PDCD6IP: variants seen among roughly 807,000 people sequenced by gnomAD.
PDCD6IP encodes programmed cell death 6 interacting protein.
A neutral mutation model predicts 103.7 loss-of-function variants in PDCD6IP; 43 were observed. That is an observed-to-expected ratio of 0.41 (90% CI 0.32 to 0.53). The LOEUF is 0.53. PDCD6IP is among the 20% of genes least tolerant of loss of function. The pLI is 0.16. For missense variants in PDCD6IP, 871 were observed against 1,036.7 expected (o/e 0.84, Z 2.20); for synonymous variants, 354 against 378.7 (o/e 0.93, Z 0.76).
rs777255965 is a variant in PDCD6IP at position 33,864,090 on chromosome 3, T to C, written c.2205T>C (p.His735=). 2 of 1,612,922 alleles carry C rather than the reference T, an allele frequency of 1.2e-6. No individual in the cohort carries two copies. Among genetic ancestry groups the C allele is most frequent in the South Asian group, 1.1e-5 (1 of 91,062 alleles). ...PAYQSSPAGG[H]APTPPTPAPR... Reference sequence around the variant, plus strand: ...ATCAGTCCTCACCAGCAGGAGGACATGCACCAACTCCTCCAACTCCAGCGC... The same window carrying C: ...ATCAGTCCTCACCAGCAGGAGGACACGCACCAACTCCTCCAACTCCAGCGC... The change falls in exon 16 of 18, where the codon CAT becomes CAC. Residue 735 remains histidine, a synonymous_variant. Coordinates refer to ENST00000307296, the MANE Select transcript of PDCD6IP (RefSeq NM_013374.6).
chr3:33,804,928 T>C (rs746130458), intron 1 of PDCD6IP, among the ~76,000 whole-genome samples: 6 of 152,228 alleles, frequency 3.9e-5, no homozygotes, highest in Admixed American at 2.0e-4. Flanking sequence ...TTTCATCCTC[T>C]AGTTGGTGGT....
chr3:33,866,565 A>G lies in PDCD6IP; in HGVS notation c.*40A>G. 1 of 1,495,340 alleles carries G rather than the reference A, an allele frequency of 6.7e-7. No individual in the cohort carries two copies. Among genetic ancestry groups the G allele is most frequent in the Non-Finnish European group, 9.0e-7 (1 of 1,106,658 alleles). 92.6% of individuals were successfully genotyped at this position (1,495,340 alleles called of 1,614,324 possible). A position where few individuals can be genotyped will look rare whatever the true frequency, so the allele number is the denominator to read the frequency against. ...AGCTCAGCTGATTCAGATCAGAGGG[A>G]AAGAAATACCAACCCTGCAATAAGT... On this transcript the variant is annotated 3_prime_UTR_variant, in exon 18 of 18. Coordinates refer to ENST00000307296, the MANE Select transcript of PDCD6IP (RefSeq NM_013374.6).
At chr3:33,851,001 A>G (rs1434371016) in intron 12 of PDCD6IP, among the ~76,000 whole-genome samples, 1 of 151,880 alleles carries the variant, frequency 6.6e-6, no homozygotes, top group African/African-American at 2.4e-5. Context: ...ATGGATGTAA[A>G]CAAGGCCAAA....
intron 9 of PDCD6IP, among the ~76,000 whole-genome samples, chr3:33,839,612 G>A (rs1697426390): frequency 6.6e-6 from 1 of 152,078 alleles, no homozygotes; most frequent in Non-Finnish European, 1.5e-5. Flanking sequence ...AGTTCTCTTG[G>A]GTAAATACTT....
At chr3:33,830,772 G>A (rs545219129) in intron 7 of PDCD6IP, among the ~76,000 whole-genome samples, 2 of 152,024 alleles carry the variant, frequency 1.3e-5, no homozygotes, top group Non-Finnish European at 2.9e-5. Context: ...TATTCTTTCC[G>A]GTAGGCATGA....
chr3:33,853,960 A>G lies in PDCD6IP; in HGVS notation c.1972A>G (p.Thr658Ala), dbSNP rs746687187. Residue 658 changes from threonine to alanine, a missense_variant, in exon 14 of 18, where the codon ACT becomes GCT. Thr to Ala is a moderately conservative substitution (Grantham distance 58). Coordinates refer to ENST00000307296, the MANE Select transcript of PDCD6IP (RefSeq NM_013374.6). The stretch of plus-strand genomic sequence containing the variant: ...AGAAGAAGTTTTGAAGAATTTAGCT[A>G]CTGCATATGACAACTTTGTTGAACT... Reference protein sequence around the residue: ...LREEVLKNLATAYDNFVELVA... With the variant: ...LREEVLKNLAAAYDNFVELVA... The G allele has an allele frequency of 1.3e-6, 2 of 1,589,328 alleles. No homozygotes were observed. Among genetic ancestry groups the G allele is most frequent in the South Asian group, 2.4e-5 (2 of 84,882 alleles).
intron 3 of PDCD6IP, among the ~76,000 whole-genome samples, chr3:33,814,717 A>G (rs187526466): frequency 0.017 from 2,413 of 145,560 alleles, 30 homozygotes; most frequent in Non-Finnish European, 0.027. Flanking sequence ...GTATATATGT[A>G]AGTATATAAT....
intron 9 of PDCD6IP, among the ~76,000 whole-genome samples, chr3:33,841,044 C>T (rs1324563339): frequency 1.3e-5 from 2 of 150,102 alleles, no homozygotes; most frequent in African/African-American, 2.5e-5. Context: ...TTTTTTTCCC[C>T]CGAGACGGAG....
At chr3:33,825,484 C>G (rs1697099963) in intron 5 of PDCD6IP, 144 bp downstream of exon 5, 2 of 655,450 alleles carry the variant, frequency 3.1e-6, no homozygotes, top group Non-Finnish European at 4.9e-6. Context: ...TTCAGCTATC[C>G]TTTTCTGAAT....
At chr3:33,840,246 A>G (rs1435855597) in intron 9 of PDCD6IP, among the ~76,000 whole-genome samples, 2 of 152,368 alleles carry the variant, frequency 1.3e-5, no homozygotes, top group Non-Finnish European at 2.9e-5. Flanking sequence ...CATAAGGAAG[A>G]GAAAATATAT....
chr3:33,827,766 G>A (rs566606503), intron 6 of PDCD6IP: 1 of 152,298 alleles, frequency 6.6e-6, no homozygotes, highest in East Asian at 1.9e-4. Flanking sequence ...TCCTGTTTCA[G>A]AACCAAGTTG....
chr3:33,831,224 G>C (rs1361489995), intron 7 of PDCD6IP, among the ~76,000 whole-genome samples: 1 of 144,292 alleles, frequency 6.9e-6, no homozygotes, highest in Non-Finnish European at 1.5e-5. Flanking sequence ...TTTTCAAAAA[G>C]ATACAGAAAC....
intron 15 of PDCD6IP, among the ~76,000 whole-genome samples, chr3:33,859,847 G>T (rs1455826375): frequency 6.6e-6 from 1 of 152,126 alleles, no homozygotes; most frequent in Non-Finnish European, 1.5e-5. Context: ...GGATATATTA[G>T]AATATGCTAG....
chr3:33,843,837 A>C (rs920551583), intron 10 of PDCD6IP, among the ~76,000 whole-genome samples: 2 of 150,184 alleles, frequency 1.3e-5, no homozygotes, highest in Admixed American at 1.3e-4. Flanking sequence ...ACTTTCTTTA[A>C]ATTGATATAT....
rs564348983 is a variant in PDCD6IP, at chr3:33,852,585, T to C, written c.1739T>C (p.Met580Thr). Residue 580 changes from methionine to threonine, a missense_variant, in exon 13 of 18, where the codon ATG becomes ACG. Coordinates refer to ENST00000307296, the MANE Select transcript of PDCD6IP (RefSeq NM_013374.6). ...GACTTGAAATCTGTGAATTTTGACA[T>C]GACAAGCAAGTTTTTGACAGCCCTG... ...ENDLKSVNFDMTSKFLTALAQ... is the reference protein window; with the variant it reads ...ENDLKSVNFDTTSKFLTALAQ... 12 of 1,594,952 alleles carry C rather than the reference T, an allele frequency of 7.5e-6. No individual in the cohort carries two copies. Among genetic ancestry groups the C allele is most frequent in the South Asian group, 6.9e-5 (6 of 86,458 alleles).
chr3:33,835,813 G>GA (rs1357328148), intron 7 of PDCD6IP, among the ~76,000 whole-genome samples: 1 of 152,140 alleles, frequency 6.6e-6, no homozygotes, highest in Non-Finnish European at 1.5e-5. Context: ...TTATTATCTT[G>GA]ATAATCTGCC....
At position 33,866,979 on chromosome 3, in the gene PDCD6IP, T is replaced by C. The variant is rs1045093840; in HGVS notation, c.*454T>C. ...CATAATCAAGGCACTGTAAATCTTA[T>C]AATTTTAAAATAAATTACTTAAGAA... On this transcript the variant is annotated 3_prime_UTR_variant, in exon 18 of 18. Coordinates refer to ENST00000307296, the MANE Select transcript of PDCD6IP (RefSeq NM_013374.6). 2 of 152,476 alleles carry C rather than the reference T, an allele frequency of 1.3e-5. No individual in the cohort carries two copies. The highest frequency in any genetic ancestry group is 4.8e-5 in the African/African-American group (2 of 41,494). 9.4% of individuals were successfully genotyped at this position (152,476 alleles called of 1,614,324 possible). A position where few individuals can be genotyped will look rare whatever the true frequency, so the allele number is the denominator to read the frequency against.
Position 33,836,692 on chromosome 3 carries a change from CAA to C in PDCD6IP, c.1057+442_1057+443del, listed in dbSNP as rs199714705. On this transcript the variant is annotated intron_variant, in intron 8 of 17. Transcript: ENST00000307296. ...GCAACTGGCAAAACCCTGTCTCTACCAAAAAAAAAAAAAAAAATTAACTGGGC... is the reference window on the plus strand; with the variant it reads ...GCAACTGGCAAAACCCTGTCTCTACCAAAAAAAAAAAAAAATTAACTGGGC... Among the ~76,000 whole-genome samples the C allele has an allele frequency of 8.5e-4, 107 of 125,374 alleles. 1 individual carries two copies. Among genetic ancestry groups the C allele is most frequent in the African/African-American group, 2.1e-3 (72 of 34,760 alleles). 82.3% of individuals were successfully genotyped at this position (125,374 alleles called of 152,430 possible). A position where few individuals can be genotyped will look rare whatever the true frequency, so the allele number is the denominator to read the frequency against.
At chr3:33,834,598 A>G (rs1697309218) in intron 7 of PDCD6IP, among the ~76,000 whole-genome samples, 1 of 152,230 alleles carries the variant, frequency 6.6e-6, no homozygotes, top group South Asian at 2.1e-4. Flanking sequence ...TTTTACGAAG[A>G]TTTTAAAAAA....
Sources: gnomAD v4.1 joint callset for allele counts (sites outside exome capture counted in the v4.1 genomes callset) on GRCh38, gnomAD v4.1.1 for gene constraint, MANE v1.5 for transcripts, NCBI Gene and HGNC (gene_info 2026-07-23, HGNC 2026-07-21) for gene names.